The following GATAD2B variants were observed in gnomAD, a reference collection of about 807,000 sequenced individuals.
GATAD2B encodes the protein GATA zinc finger domain containing 2B, also known as transcriptional repressor p66-beta.
Under a neutral mutation model 64.3 loss-of-function variants are expected in GATAD2B, and 8 were observed. That is an observed-to-expected ratio of 0.12 (90% CI 0.07 to 0.22). The LOEUF (loss-of-function observed/expected upper bound fraction) is 0.22, where lower values mean the gene tolerates loss of function less well. GATAD2B is among the 10% of genes least tolerant of loss of function. The pLI, the probability that GATAD2B is intolerant of heterozygous loss-of-function variation, is 1.00. For synonymous variants in GATAD2B, 281 were observed against 271.3 expected, an observed-to-expected ratio of 1.04 and a Z score of -0.35; for missense variants, 453 against 752.0, an observed-to-expected ratio of 0.60 and a Z score of 4.65.
intron 1 of GATAD2B, among the ~76,000 whole-genome samples, chr1:153,914,227 CAAAAAAAAAAAAAAA>C (rs759245034): frequency 1.5e-5 from 1 of 65,984 alleles, no homozygotes; most frequent in African/African-American, 6.1e-5. Flanking sequence ...CCCAGACTCT[CAAAAAAAAAAAAAAA>C]AAAAAAAAAA....
At chr1:153,838,394 A>G (rs1276868086) in intron 1 of GATAD2B, among the ~76,000 whole-genome samples, 2 of 151,988 alleles carry the variant, frequency 1.3e-5, no homozygotes, top group Non-Finnish European at 2.9e-5. Context: ...GTTTACATGA[A>G]CTCATTTTCT....
intron 1 of GATAD2B, among the ~76,000 whole-genome samples, chr1:153,851,004 C>CA (rs1675877044): frequency 6.6e-6 from 1 of 151,824 alleles, no homozygotes; most frequent in Non-Finnish European, 1.5e-5. Context: ...TTCAAGTGTA[C>CA]AATACATTAA....
chr1:153,873,733 C>T (rs529986670), intron 1 of GATAD2B, among the ~76,000 whole-genome samples: 1 of 152,224 alleles, frequency 6.6e-6, no homozygotes, highest in South Asian at 2.1e-4. Context: ...TGCTTGAGTA[C>T]AGGAGCTCCA....
At chr1:153,913,001 T>C (rs771251731) in intron 1 of GATAD2B, among the ~76,000 whole-genome samples, 48 of 152,132 alleles carry the variant, frequency 3.2e-4, no homozygotes, top group African/African-American at 1.0e-3. Flanking sequence ...GGCAGGAGAA[T>C]TGCTTGAACC....
chr1:153,922,537 G>T (rs1160510269), intron 1 of GATAD2B, among the ~76,000 whole-genome samples, 196 bp downstream of exon 1: 2 of 146,060 alleles, frequency 1.4e-5, no homozygotes, highest in African/African-American at 5.0e-5. Flanking sequence ...CCGTGCCGGG[G>T]TGGGGGGAGG....
chr1:153,868,416 T>C (rs1676549278), intron 1 of GATAD2B, among the ~76,000 whole-genome samples: 1 of 150,452 alleles, frequency 6.6e-6, no homozygotes, highest in Admixed American at 6.7e-5. Context: ...TAGCTGCCTC[T>C]GCATTCAATG....
intron 1 of GATAD2B, among the ~76,000 whole-genome samples, chr1:153,896,530 G>A (rs1013169481): frequency 6.7e-5 from 10 of 148,976 alleles, no homozygotes; most frequent in Admixed American, 2.0e-4. Context: ...TCCACCTCCC[G>A]GGTTCAAGCA....
intron 1 of GATAD2B, among the ~76,000 whole-genome samples, chr1:153,860,519 G>A (rs1054110635): frequency 2.0e-5 from 3 of 151,834 alleles, no homozygotes; most frequent in Non-Finnish European, 4.4e-5. Flanking sequence ...ATTTTTTGCA[G>A]AGATTGGGTC....
chr1:153,852,819 T>C (rs1018752167), intron 1 of GATAD2B: 12 of 890,818 alleles, frequency 1.3e-5, no homozygotes, highest in Non-Finnish European at 2.2e-5. Context: ...CAACTTTTTT[T>C]GCTTCTTTTT....
At chr1:153,881,863 G>GT (rs1433493988) in intron 1 of GATAD2B, among the ~76,000 whole-genome samples, 1 of 151,808 alleles carries the variant, frequency 6.6e-6, no homozygotes, top group Non-Finnish European at 1.5e-5. Context: ...CTTTTCTACC[G>GT]TAAGAGAAGC....
At chr1:153,878,565 A>C (rs530610525) in intron 1 of GATAD2B, among the ~76,000 whole-genome samples, 5 of 152,326 alleles carry the variant, frequency 3.3e-5, no homozygotes, top group African/African-American at 1.2e-4. Context: ...AGAAATTTAC[A>C]GGCTTTAACA....
chr1:153,915,741 T>TAA lies in GATAD2B; in HGVS notation c.-2+6990_-2+6991dup, dbSNP rs56236211. 1.6e-3 allele frequency among the ~76,000 whole-genome samples: 160 copies of TAA among 97,680 alleles called. 1 individual carries two copies. Among genetic ancestry groups the TAA allele is most frequent in the Middle Eastern group, 5.1e-3 (1 of 196 alleles). 64.1% of individuals were successfully genotyped at this position (97,680 alleles called of 152,430 possible). A position where few individuals can be genotyped will look rare whatever the true frequency, so the allele number is the denominator to read the frequency against. Reference sequence around the variant, plus strand: ...GCAACAGAGCCAGAACTTGTCTATATAAAAAAAAAAAAAAAAAAAAGAAAA... The same window carrying TAA: ...GCAACAGAGCCAGAACTTGTCTATATAAAAAAAAAAAAAAAAAAAAAAGAAAA... On this transcript the variant is annotated intron_variant, in intron 1 of 10. Coordinates refer to ENST00000368655, the MANE Select transcript of GATAD2B (RefSeq NM_020699.4).
chr1:153,916,359 G>C (rs1246407932), intron 1 of GATAD2B, among the ~76,000 whole-genome samples: 1 of 152,050 alleles, frequency 6.6e-6, no homozygotes, highest in Admixed American at 6.6e-5. Flanking sequence ...AATAAGAGCT[G>C]TTGAATGAGA....
intron 1 of GATAD2B, among the ~76,000 whole-genome samples, chr1:153,870,491 T>A (rs1676625433): frequency 6.6e-6 from 1 of 152,060 alleles, no homozygotes; most frequent in Non-Finnish European, 1.5e-5. Context: ...GAGAATGGCG[T>A]GAACCCAGGA....
chr1:153,907,161 C>T (rs573989687), intron 1 of GATAD2B, among the ~76,000 whole-genome samples: 12 of 152,278 alleles, frequency 7.9e-5, no homozygotes, highest in South Asian at 2.1e-4. Context: ...ATATCCTATA[C>T]GCAAAACAAT....
chr1:153,843,006 G>A (rs1231490425), intron 1 of GATAD2B, among the ~76,000 whole-genome samples: 2 of 147,742 alleles, frequency 1.4e-5, no homozygotes, highest in Non-Finnish European at 1.5e-5. Flanking sequence ...AGGCTGGAGT[G>A]CAGTGGACCA....
In GATAD2B at chr1:153,812,034, A is replaced by C. The variant is rs750238916; in HGVS notation, c.1518T>G (p.His506Gln). The change falls in exon 9 of 11, where the codon CAT (histidine) becomes CAG (glutamine). Residue 506 changes from histidine (H) to glutamine (Q), a missense_variant. Coordinates refer to ENST00000368655, the MANE Select transcript of GATAD2B (RefSeq NM_020699.4). ...AAAAGTTCCTTACCTGCCGAAGCGT[A>C]TGATGTCTCATGATGGTCTCTTGTT... The part of the protein sequence containing the change: ...VSKQETIMRH[H>Q]TLRQAPQPQS... 2 of 1,600,958 alleles carry C rather than the reference A, an allele frequency of 1.2e-6. No homozygotes were observed. The highest frequency in any genetic ancestry group is 2.7e-5 in the African/African-American group (2 of 74,690).
intron 1 of GATAD2B, among the ~76,000 whole-genome samples, chr1:153,903,111 G>A (rs913473157): frequency 3.3e-5 from 5 of 152,092 alleles, no homozygotes; most frequent in South Asian, 4.2e-4. Context: ...CCAGCTACTC[G>A]GGAGGCTGAG....
At chr1:153,876,972 G>A (rs528811368) in intron 1 of GATAD2B, among the ~76,000 whole-genome samples, 2 of 152,270 alleles carry the variant, frequency 1.3e-5, no homozygotes, top group African/African-American at 2.4e-5. Flanking sequence ...AGCCAAGATC[G>A]TGCCACTTCA....
Sources: allele counts gnomAD v4.1 joint callset (sites outside exome capture counted in the v4.1 genomes callset), GRCh38; gene constraint gnomAD v4.1.1; transcripts MANE v1.5; gene names NCBI Gene and HGNC (gene_info 2026-07-23, HGNC 2026-07-21).